Variants in ATP13A4 observed in about 807,000 individuals in gnomAD.
ATP13A4 encodes ATPase 13A4.
In ATP13A4, 114 loss-of-function variants were observed where a neutral mutation model predicts 142.5. That is an observed-to-expected ratio of 0.80 (90% CI 0.69 to 0.93). The LOEUF (loss-of-function observed/expected upper bound fraction) is 0.93. ATP13A4 is among the 40% of genes least tolerant of loss of function. ATP13A4 has a pLI of 0.00. For missense variants in ATP13A4, 1,392 were observed against 1,454.0 expected, an observed-to-expected ratio of 0.96 and a Z score of 0.69; for synonymous variants, 488 against 514.8, an observed-to-expected ratio of 0.95 and a Z score of 0.70.
At chr3:193,487,474 T>C (rs1269253363) in intron 7 of ATP13A4, among the ~76,000 whole-genome samples, 3 of 152,154 alleles carry the variant, frequency 2.0e-5, no homozygotes, top group Non-Finnish European at 2.9e-5. Context: ...GAATGTAAAC[T>C]GGTATTACTT....
intron 2 of ATP13A4, among the ~76,000 whole-genome samples, chr3:193,573,308 CATAT>C (rs1553862286): frequency 1.1e-4 from 11 of 103,674 alleles, no homozygotes; most frequent in Admixed American, 7.7e-4. Context: ...TATATATATA[CATAT>C]ATATATATAT....
At chr3:193,517,953 C>G (rs541489525) in intron 1 of ATP13A4, among the ~76,000 whole-genome samples, 2 of 152,192 alleles carry the variant, frequency 1.3e-5, no homozygotes, top group Non-Finnish European at 2.9e-5. Flanking sequence ...GAAAAATTCT[C>G]AACATGAATG....
chr3:193,427,081 A>T (rs1406730708), intron 25 of ATP13A4, among the ~76,000 whole-genome samples: 1 of 152,160 alleles, frequency 6.6e-6, no homozygotes, highest in East Asian at 1.9e-4. Context: ...TTCATGTCTC[A>T]TAAGAGTTTA....
chr3:193,497,812 A>T (rs1720327309), intron 3 of ATP13A4, among the ~76,000 whole-genome samples: 1 of 152,214 alleles, frequency 6.6e-6, no homozygotes, highest in Non-Finnish European at 1.5e-5. Flanking sequence ...AATAAACAAG[A>T]CACAATAAGG....
At chr3:193,419,855 C>A (rs1194729674) in intron 25 of ATP13A4, among the ~76,000 whole-genome samples, 1 of 150,122 alleles carries the variant, frequency 6.7e-6, no homozygotes, top group Non-Finnish European at 1.5e-5. Context: ...ACCCACTGCC[C>A]CTCCAGGGCC....
intron 2 of ATP13A4, among the ~76,000 whole-genome samples, chr3:193,563,364 AG>A (rs913645099): frequency 6.6e-6 from 1 of 152,228 alleles, no homozygotes; most frequent in African/African-American, 2.4e-5. Context: ...CCAGAAACTC[AG>A]GGACCCAAAT....
rs764353372 is a variant in ATP13A4 at position 193,402,711 on chromosome 3, A to G, written c.3532T>C (p.Cys1178Arg). Reference sequence around the variant, plus strand: ...TTGCTGTAAGACACTCCTCTGCCACACTCCGGCATGTCAGAGTGGGAGGTT... The same window carrying G: ...TTGCTGTAAGACACTCCTCTGCCACGCTCCGGCATGTCAGAGTGGGAGGTT... ...NQTSHSDMPE[C>R]GRGVSYSNPV... Residue 1178 changes from cysteine to arginine, a missense_variant, in exon 30 of 30, where the codon TGT becomes CGT. Physicochemically the swap from Cys to Arg is radical, Grantham distance 180. Coordinates refer to ENST00000342695, the MANE Select transcript of ATP13A4 (RefSeq NM_032279.4). 5 of 1,443,450 alleles carry G rather than the reference A, an allele frequency of 3.5e-6. No homozygotes were observed. Among genetic ancestry groups the G allele is most frequent in the Non-Finnish European group, 4.9e-6 (5 of 1,024,756 alleles). 89.4% of individuals were successfully genotyped at this position (1,443,450 alleles called of 1,614,324 possible).
At position 193,510,199 on chromosome 3, in the gene ATP13A4, C is replaced by T. The variant is rs115270177; in HGVS notation, c.234+4499G>A. Among the ~76,000 whole-genome samples, 438 of 152,242 alleles carry T rather than the reference C, an allele frequency of 2.9e-3. 5 individuals carry two copies. The highest frequency in any genetic ancestry group is 9.9e-3 in the African/African-American group (413 of 41,556). ...CAGATGCTGCCGCCTGACGAGAATA[C>T]TGGTACACTGGCAGACTTTAAGATG... On this transcript the variant is annotated intron_variant, in intron 2 of 29. Coordinates refer to ENST00000342695, the MANE Select transcript of ATP13A4 (RefSeq NM_032279.4).
intron 28 of ATP13A4, 57 bp from the exon 29 acceptor site, chr3:193,407,450 GC>G: frequency 6.6e-6 from 9 of 1,357,936 alleles, no homozygotes; most frequent in Non-Finnish European, 8.4e-6. Flanking sequence ...CTGGAAACAT[GC>G]TCACATGTTC....
rs1405601939 is a variant in ATP13A4 at position 193,573,309 on chromosome 3, A to G, written n.291+8398T>C. Among the ~76,000 whole-genome samples the G allele has an allele frequency of 3.3e-3, 153 of 46,514 alleles. 1 individual carries two copies. The highest frequency in any genetic ancestry group is 9.3e-3 in the Middle Eastern group (1 of 108). 30.5% of individuals were successfully genotyped at this position (46,514 alleles called of 152,430 possible). On this transcript the variant is annotated intron_variant and non_coding_transcript_variant, in intron 2 of 3. Coordinates refer to the ATP13A4 transcript ENST00000489140. ...TATATACACATATATATATATATAC[A>G]TATATATATATATATATAATTTGTA...
intron 29 of ATP13A4, among the ~76,000 whole-genome samples, chr3:193,406,375 T>A (rs1253472069): frequency 2.0e-5 from 3 of 152,136 alleles, no homozygotes; most frequent in East Asian, 1.9e-4. Flanking sequence ...CAGCTCACCA[T>A]GAACACTCCA....
intron 25 of ATP13A4, among the ~76,000 whole-genome samples, chr3:193,430,174 G>A (rs1468072496): frequency 3.3e-5 from 5 of 152,042 alleles, no homozygotes; most frequent in Non-Finnish European, 7.4e-5. Context: ...GGACTGTTCT[G>A]GAGAAAAAAT....
rs751008359 is a variant in ATP13A4 at position 193,466,010 on chromosome 3, G to A, written c.1272+15C>T. The A allele has an allele frequency of 1.2e-6, 2 of 1,613,338 alleles. No individual in the cohort carries two copies. Among genetic ancestry groups the A allele is most frequent in the Admixed American group, 3.3e-5 (2 of 60,012 alleles). On this transcript the variant is annotated intron_variant, in intron 11 of 29. Transcript: ENST00000342695. ...GAGTGTGTGTGCATTTAATAAAAGA[G>A]CAAAGACAGCTTACCCCACTAAGCA...
intron 1 of ATP13A4, among the ~76,000 whole-genome samples, chr3:193,533,913 C>G (rs1722458304): frequency 6.6e-6 from 1 of 152,164 alleles, no homozygotes; most frequent in African/African-American, 2.4e-5. Flanking sequence ...CCTCCACCCC[C>G]ACCAGCATTA....
chr3:193,421,763 A>G (rs1482527746), intron 25 of ATP13A4, among the ~76,000 whole-genome samples: 1 of 149,892 alleles, frequency 6.7e-6, no homozygotes, highest in African/African-American at 2.4e-5. Context: ...ATGTAGCTTC[A>G]TGGTAACTAC....
chr3:193,503,845 G>A (rs1335460617), intron 2 of ATP13A4, among the ~76,000 whole-genome samples: 1 of 152,060 alleles, frequency 6.6e-6, no homozygotes, highest in African/African-American at 2.4e-5. Flanking sequence ...TACTCTGGGT[G>A]ATCTCTCCTC....
At chr3:193,467,929 A>G (rs1718397220) in intron 9 of ATP13A4, among the ~76,000 whole-genome samples, 1 of 152,122 alleles carries the variant, frequency 6.6e-6, no homozygotes, top group Non-Finnish European at 1.5e-5. Context: ...CTGTAATCCC[A>G]GTACTTTGGG....
intron 3 of ATP13A4, among the ~76,000 whole-genome samples, chr3:193,496,623 T>C (rs1048193093): frequency 3.9e-5 from 6 of 151,930 alleles, no homozygotes; most frequent in African/African-American, 7.3e-5. Context: ...AAACCATGTC[T>C]CTACTAAAAG....
At chr3:193,502,049 C>T (rs1367078460) in intron 3 of ATP13A4, among the ~76,000 whole-genome samples, 1 of 152,054 alleles carries the variant, frequency 6.6e-6, no homozygotes, top group Non-Finnish European at 1.5e-5. Context: ...ATCACTTGAG[C>T]CCAGGAGTTT....
Sources: gnomAD v4.1 joint callset for allele counts (sites outside exome capture counted in the v4.1 genomes callset) on GRCh38, gnomAD v4.1.1 for gene constraint, MANE v1.5 for transcripts, NCBI Gene and HGNC (gene_info 2026-07-23, HGNC 2026-07-21) for gene names.